The following ITSN2 variants were observed in gnomAD, a reference collection of about 807,000 sequenced individuals.
ITSN2 encodes the protein intersectin-2.
Under a neutral mutation model 243.7 loss-of-function variants are expected in ITSN2, and 156 were observed. That is an observed-to-expected ratio of 0.64 (90% CI 0.56 to 0.73). The LOEUF (loss-of-function observed/expected upper bound fraction) is 0.73. Among genes scored for constraint, ITSN2 ranks in the 30% least tolerant of loss-of-function variants. ITSN2 has a pLI of 0.00. For missense variants in ITSN2, 1,801 were observed against 1,996.1 expected (o/e 0.90, Z 1.86); for synonymous variants, 703 against 699.9 (o/e 1.00, Z -0.07).
chr2:24,221,874 G>C (rs1199651387), intron 29 of ITSN2, among the ~76,000 whole-genome samples: 3 of 152,216 alleles, frequency 2.0e-5, no homozygotes, highest in Non-Finnish European at 4.4e-5. Flanking sequence ...CATAATTCCA[G>C]AGTCACTTAA....
intron 17 of ITSN2, among the ~76,000 whole-genome samples, chr2:24,277,748 T>C (rs1266798782): frequency 1.3e-5 from 2 of 152,220 alleles, no homozygotes; most frequent in Non-Finnish European, 2.9e-5. Flanking sequence ...TCCAATCTTT[T>C]AGCTTCCCTG....
intron 29 of ITSN2, among the ~76,000 whole-genome samples, chr2:24,238,256 A>G (rs955850382): frequency 1.6e-4 from 24 of 152,176 alleles, no homozygotes; most frequent in African/African-American, 5.8e-4. Flanking sequence ...AGAACTATGT[A>G]CCACCTAAGA....
At chr2:24,261,892 T>C (rs1328682297) in intron 20 of ITSN2, 150 bp from the exon 21 acceptor site, 2 of 550,650 alleles carry the variant, frequency 3.6e-6, no homozygotes, top group Admixed American at 6.7e-5. Flanking sequence ...TAACAGCTAC[T>C]ATTTCCAGTG....
intron 9 of ITSN2, among the ~76,000 whole-genome samples, chr2:24,303,545 T>C (rs1188378865): frequency 6.6e-6 from 1 of 152,248 alleles, no homozygotes; most frequent in Non-Finnish European, 1.5e-5. Flanking sequence ...TAAAAAGTTA[T>C]TGTATGCCAA....
Position 24,249,394 on chromosome 2 carries a change from A to G in ITSN2, c.3121-512T>C, listed in dbSNP as rs1673819430. On this transcript the variant is annotated intron_variant, in intron 25 of 39. Coordinates refer to ENST00000355123, the MANE Select transcript of ITSN2 (RefSeq NM_006277.3). This position sits in a 1 kb window ranked among gnomAD's most constrained non-coding sequence, Gnocchi z 4.4. ...TGACTGAATCTGACCTAAGAACAAA[A>G]AATCCCTATCCTGTGTAGCAACTAT... Among the ~76,000 whole-genome samples the G allele has an allele frequency of 6.6e-6, 1 of 152,192 alleles. No individual in the cohort carries two copies.
chr2:24,205,421 C>T (rs1668765172), intron 37 of ITSN2, 124 bp from the exon 38 acceptor site: 8 of 749,770 alleles, frequency 1.1e-5, no homozygotes, highest in African/African-American at 8.7e-5. Flanking sequence ...CCCAACAGCC[C>T]AGCATCTGGC....
intron 1 of ITSN2, among the ~76,000 whole-genome samples, chr2:24,336,058 G>A (rs1404897061): frequency 6.6e-6 from 1 of 151,598 alleles, no homozygotes; most frequent in Non-Finnish European, 1.5e-5. Context: ...TGGCTAACAT[G>A]GTGGAACCCC....
rs1347398738 is a variant in ITSN2 at position 24,219,849 on chromosome 2, C to T, written c.3699+1096G>A. On this transcript the variant is annotated intron_variant, in intron 30 of 39. Transcript: ENST00000355123. ...CAAAATGATGGGCTTTTCTTCTAGG[C>T]CATCTATCCTGGCCAGAGAGGTGCA... 3.3e-5 allele frequency among the ~76,000 whole-genome samples: 5 copies of T among 152,314 alleles called. No homozygotes were observed. The East Asian group carries it at 9.6e-4, about 29-fold the overall frequency.
intron 1 of ITSN2, among the ~76,000 whole-genome samples, chr2:24,349,347 T>C (rs1486507040): frequency 6.6e-6 from 1 of 152,118 alleles, no homozygotes; most frequent in Non-Finnish European, 1.5e-5. Context: ...AACCACAAAT[T>C]TACAAATTCT....
intron 1 of ITSN2, among the ~76,000 whole-genome samples, chr2:24,337,339 T>TATATATATATATAC (rs1558650704): frequency 2.6e-5 from 3 of 113,274 alleles, no homozygotes; most frequent in African/African-American, 6.6e-5. Context: ...TATATATATA[T>TATATATATATATAC]ATATATATAT....
intron 1 of ITSN2, among the ~76,000 whole-genome samples, chr2:24,358,252 C>G (rs943112778): frequency 3.3e-5 from 5 of 152,138 alleles, no homozygotes; most frequent in Admixed American, 2.6e-4. Flanking sequence ...GATGACTCTA[C>G]CAGATAAGGC....
rs1206857926 is a variant in ITSN2, at chr2:24,203,227, G to A, written c.*399C>T. 1 of 159,350 alleles carries A rather than the reference G, an allele frequency of 6.3e-6. No individual in the cohort carries two copies. The highest frequency in any genetic ancestry group is 1.4e-5 in the Non-Finnish European group (1 of 72,222). The allele number at this position is 159,350 out of a possible 1,614,324, so 9.9% of individuals were successfully genotyped here. A position where few individuals can be genotyped will look rare whatever the true frequency, so the allele number is the denominator to read the frequency against. On this transcript the variant is annotated 3_prime_UTR_variant, in exon 40 of 40. Transcript: ENST00000355123. ...GACCCTTCCCCTCCTGAGTGGCTGTGACCCAGCAGAGGTCACTGGCGTGGA... is the reference window on the plus strand; with the variant it reads ...GACCCTTCCCCTCCTGAGTGGCTGTAACCCAGCAGAGGTCACTGGCGTGGA...
intron 17 of ITSN2, among the ~76,000 whole-genome samples, chr2:24,282,356 C>T (rs1456648176): frequency 1.3e-5 from 2 of 152,204 alleles, no homozygotes; most frequent in African/African-American, 4.8e-5. Context: ...GGTTGCGGCC[C>T]GACTCCAGGG....
In ITSN2 at chr2:24,257,313, T is replaced by C. The variant is rs556193954; in HGVS notation, c.2888+575A>G. 1.2e-4 allele frequency among the ~76,000 whole-genome samples: 18 copies of C among 152,146 alleles called. No homozygotes were observed. In the South Asian group the frequency reaches 3.5e-3, roughly 30 times the overall value. ...TAGCCTAGGCAACAGAGTGAGACCCTGTCTCAAAAACAAAAAAAGCAACAG... is the reference window on the plus strand; with the variant it reads ...TAGCCTAGGCAACAGAGTGAGACCCCGTCTCAAAAACAAAAAAAGCAACAG... On this transcript the variant is annotated intron_variant, in intron 23 of 39. Coordinates refer to ENST00000355123, the MANE Select transcript of ITSN2 (RefSeq NM_006277.3).
At chr2:24,224,738 A>G (rs1477117596) in intron 29 of ITSN2, among the ~76,000 whole-genome samples, 1 of 151,408 alleles carries the variant, frequency 6.6e-6, no homozygotes, top group East Asian at 1.9e-4. Flanking sequence ...GGTTCAAGCG[A>G]TTCTCCTGCC....
intron 17 of ITSN2, among the ~76,000 whole-genome samples, chr2:24,276,725 T>C (rs1354103831): frequency 1.3e-5 from 2 of 152,336 alleles, no homozygotes; most frequent in East Asian, 1.9e-4. Context: ...TGTTTACTCC[T>C]GACCTAAACA....
At chr2:24,344,038 G>A (rs1484529767) in intron 1 of ITSN2, among the ~76,000 whole-genome samples, 2 of 152,080 alleles carry the variant, frequency 1.3e-5, no homozygotes, top group African/African-American at 2.4e-5. Flanking sequence ...AAACAAACAT[G>A]TTATTTTTCA....
intron 1 of ITSN2, among the ~76,000 whole-genome samples, chr2:24,337,315 A>AATATATATATATATACATATATATACAT (rs70944741): frequency 3.1e-5 from 1 of 32,026 alleles, no homozygotes. Context: ...GTATACACAA[A>AATATATATATATATACATATATATACAT]ATATATATAT....
At position 24,261,722 on chromosome 2, in the gene ITSN2, T is replaced by C. The variant is rs1221935125; in HGVS notation, c.2376A>G (p.Gly792=). 2.5e-6 allele frequency: 4 copies of C among 1,612,392 alleles called. No homozygotes were observed. The highest frequency in any genetic ancestry group is 3.4e-6 in the Non-Finnish European group (4 of 1,179,470). ...DIIQVDEKTV[G]EPGWLYGSFQ... ...AACTACCATAAAGCCAACCAGGTTC[T>C]CCTACGGTTTTTTCATCAACCTACG... is the stretch of plus-strand genomic sequence containing the variant. The change falls in exon 21 of 40, where the codon GGA becomes GGG. Residue 792 remains glycine (G), a synonymous_variant. Transcript: ENST00000355123.
Sources: gnomAD v4.1 joint callset for allele counts (sites outside exome capture counted in the v4.1 genomes callset) on GRCh38, gnomAD v4.1.1 for gene constraint, Gnocchi (gnomAD v3.1) non-coding constraint, MANE v1.5 for transcripts, NCBI Gene and HGNC (gene_info 2026-07-23, HGNC 2026-07-21) for gene names.